PLA2R1: variants seen among roughly 807,000 people sequenced by gnomAD.
PLA2R1 encodes secretory phospholipase A2 receptor.
In PLA2R1, 158 loss-of-function variants were observed where a neutral mutation model predicts 195.9. The ratio of observed to expected loss-of-function variants is 0.81; its 90% CI spans 0.71 to 0.92. The LOEUF is 0.92. Among genes scored for constraint, PLA2R1 ranks in the 40% least tolerant of loss-of-function variants. The pLI is 0.00. For synonymous variants in PLA2R1, 586 were observed against 598.2 expected, an observed-to-expected ratio of 0.98 and a Z score of 0.30; for missense variants, 1,626 against 1,764.6, an observed-to-expected ratio of 0.92 and a Z score of 1.41.
intron 25 of PLA2R1, among the ~76,000 whole-genome samples, chr2:159,948,489 C>A (rs1035911265): frequency 2.0e-5 from 3 of 151,706 alleles, no homozygotes; most frequent in African/African-American, 7.3e-5. Context: ...CCTGCTTCTG[C>A]CTCCCAAAGT....
chr2:159,956,904 A>C (rs1688129736), intron 20 of PLA2R1, among the ~76,000 whole-genome samples: 1 of 152,168 alleles, frequency 6.6e-6, no homozygotes, highest in South Asian at 2.1e-4. Flanking sequence ...CCTTCAGCAC[A>C]ATGAAAAGTA....
intron 17 of PLA2R1, among the ~76,000 whole-genome samples, chr2:159,971,988 G>A (rs781662894): frequency 2.6e-5 from 4 of 152,162 alleles, no homozygotes; most frequent in Non-Finnish European, 4.4e-5. Flanking sequence ...ACGTTGGAAT[G>A]GGTCCACTGA....
chr2:160,027,631 T>C (rs1693606337), intron 6 of PLA2R1, among the ~76,000 whole-genome samples: 1 of 152,232 alleles, frequency 6.6e-6, no homozygotes, highest in Admixed American at 6.5e-5. Flanking sequence ...GTTATACTTT[T>C]ATCTCTACAT....
At chr2:159,979,104 T>C (rs1689769401) in intron 14 of PLA2R1, among the ~76,000 whole-genome samples, 1 of 152,192 alleles carries the variant, frequency 6.6e-6, no homozygotes, top group African/African-American at 2.4e-5. Flanking sequence ...AAATTCTCAC[T>C]GCAGGCTCTT....
intron 9 of PLA2R1, among the ~76,000 whole-genome samples, chr2:160,013,675 TTC>T (rs1194944207): frequency 2.1e-3 from 140 of 65,488 alleles, no homozygotes; most frequent in Middle Eastern, 0.013. Flanking sequence ...ACCTCTCTCT[TTC>T]TCTCTCTCTC....
At chr2:159,979,950 A>G in intron 13 of PLA2R1, 36 bp from the exon 14 acceptor site, 1 of 1,302,028 alleles carries the variant, frequency 7.7e-7, no homozygotes, top group Non-Finnish European at 1.1e-6. Context: ...TGCCTTTCCC[A>G]TCAAATTTAC....
chr2:159,998,244 G>T (rs1691358392), intron 11 of PLA2R1, among the ~76,000 whole-genome samples: 1 of 152,088 alleles, frequency 6.6e-6, no homozygotes, highest in Non-Finnish European at 1.5e-5. Flanking sequence ...TTATTTCTCT[G>T]CAATAAGAAA....
intron 25 of PLA2R1, among the ~76,000 whole-genome samples, chr2:159,948,460 C>A (rs535729755): frequency 1.2e-4 from 18 of 151,030 alleles, no homozygotes; most frequent in Non-Finnish European, 2.2e-4. Flanking sequence ...GTCTCAAACT[C>A]CTGGCCTGAA....
At chr2:160,014,698 C>G (rs1275942834) in intron 9 of PLA2R1, among the ~76,000 whole-genome samples, 1 of 152,138 alleles carries the variant, frequency 6.6e-6, no homozygotes, top group East Asian at 1.9e-4. Context: ...ATTTAGAGAT[C>G]AGCTGTGTTA....
intron 19 of PLA2R1, among the ~76,000 whole-genome samples, chr2:159,968,427 T>G (rs1169460644): frequency 2.6e-5 from 4 of 152,208 alleles, no homozygotes; most frequent in Non-Finnish European, 5.9e-5. Context: ...GAATGCTATT[T>G]TCAATGCAGA....
intron 1 of PLA2R1, among the ~76,000 whole-genome samples, chr2:160,051,142 T>C (rs1236956802): frequency 6.6e-6 from 1 of 152,220 alleles, no homozygotes; most frequent in East Asian, 1.9e-4. Flanking sequence ...CTTTCTGGTA[T>C]TCAATAAATT....
chr2:160,057,678 T>C (rs1002825049), intron 1 of PLA2R1, among the ~76,000 whole-genome samples: 8 of 152,200 alleles, frequency 5.3e-5, no homozygotes, highest in Non-Finnish European at 1.5e-5. Flanking sequence ...CACTGTTTTG[T>C]AATTGTTTAT....
chr2:160,020,297 C>A, intron 7 of PLA2R1, 34 bp from the exon 8 acceptor site: 1 of 1,539,730 alleles, frequency 6.5e-7, no homozygotes, highest in Non-Finnish European at 8.9e-7. Flanking sequence ...CTTATGGGAT[C>A]CTATTATTTG....
Position 160,028,161 on chromosome 2 carries a change from T to C in PLA2R1, c.1099+57A>G, listed in dbSNP as rs1033966167. 5 of 1,145,974 alleles carry C rather than the reference T, an allele frequency of 4.4e-6. No homozygotes were observed. The African/African-American group carries it at 6.3e-5, about 14-fold the overall frequency. 71.0% of individuals were successfully genotyped at this position (1,145,974 alleles called of 1,614,324 possible). ...TTAGCAAAAAATAGAGAAATTTACATATATTGAGAGGACAAGTCAACAACA... is the reference window on the plus strand; with the variant it reads ...TTAGCAAAAAATAGAGAAATTTACACATATTGAGAGGACAAGTCAACAACA... On this transcript the variant is annotated intron_variant, in intron 6 of 29. Coordinates refer to ENST00000283243, the MANE Select transcript of PLA2R1 (RefSeq NM_007366.5).
rs533814116 is a variant in PLA2R1 at position 159,941,245 on chromosome 2, A to G, written c.*533T>C. 3 of 152,348 alleles carry G rather than the reference A, an allele frequency of 2.0e-5. No homozygotes were observed. Among genetic ancestry groups the G allele is most frequent in the African/African-American group, 7.2e-5 (3 of 41,456 alleles). The allele number at this position is 152,348 out of a possible 1,614,324, so 9.4% of individuals were successfully genotyped here. A position where few individuals can be genotyped will look rare whatever the true frequency, so the allele number is the denominator to read the frequency against. On this transcript the variant is annotated 3_prime_UTR_variant, in exon 30 of 30. Coordinates refer to ENST00000283243, the MANE Select transcript of PLA2R1 (RefSeq NM_007366.5). ...TGAGAGCCCAGAACCTGTGACCCTT[A>G]AGCACAGAAATTAGTATTTTCCAAA...
Position 159,946,906 on chromosome 2 carries a change from A to G in PLA2R1, c.3862T>C (p.Leu1288=). 2 of 1,602,530 alleles carry G rather than the reference A, an allele frequency of 1.2e-6. No individual in the cohort carries two copies. The highest frequency in any genetic ancestry group is 2.2e-5 in the South Asian group (2 of 89,966). Residue 1288 remains leucine (L), a synonymous_variant, in exon 27 of 30, where the codon TTA becomes CTA. Coordinates refer to ENST00000283243, the MANE Select transcript of PLA2R1 (RefSeq NM_007366.5). ...TTTTCAGCCTCATCCTTGATTGTTA[A>G]AAGATTAGAACCTATAAGAGAGACA... The part of the protein sequence containing the change: ...EFCKKEGSNL[L]TIKDEAENAF...
chr2:160,033,197 G>T, intron 3 of PLA2R1, 65 bp from the exon 4 acceptor site: 1 of 1,257,950 alleles, frequency 7.9e-7, no homozygotes, highest in Non-Finnish European at 1.1e-6. Flanking sequence ...ATATTTCTAA[G>T]GTAAGTCTGA....
At chr2:159,951,070 T>C (rs1352478334) in intron 24 of PLA2R1, among the ~76,000 whole-genome samples, 1 of 152,190 alleles carries the variant, frequency 6.6e-6, no homozygotes, top group Admixed American at 6.5e-5. Flanking sequence ...TCGGGGTACT[T>C]GGAAATTTTC....
intron 3 of PLA2R1, among the ~76,000 whole-genome samples, chr2:160,037,016 G>A (rs1478762418): frequency 6.6e-6 from 1 of 152,192 alleles, no homozygotes; most frequent in African/African-American, 2.4e-5. Context: ...ACACCTGACA[G>A]CTCTGCTGTC....
Sources: gnomAD v4.1 joint callset for allele counts (sites outside exome capture counted in the v4.1 genomes callset) on GRCh38, gnomAD v4.1.1 for gene constraint, MANE v1.5 for transcripts, NCBI Gene and HGNC (gene_info 2026-07-23, HGNC 2026-07-21) for gene names.